The following C9orf43 variants were observed in gnomAD, a reference collection of about 807,000 sequenced individuals.
The protein encoded by C9orf43 is chromosome 9 open reading frame 43.
Under a neutral mutation model 59.1 loss-of-function variants are expected in C9orf43, and 45 were observed. The observed-to-expected ratio is 0.76, with a 90% CI of 0.60 to 0.98. The LOEUF is 0.98. Ranked by LOEUF, C9orf43 falls within the 50% of genes least tolerant of loss-of-function variation. The pLI is 0.00. For missense variants in C9orf43, 533 were observed against 554.9 expected, an observed-to-expected ratio of 0.96 and a Z score of 0.40; for synonymous variants, 203 against 196.8, an observed-to-expected ratio of 1.03 and a Z score of -0.26.
Position 113,425,354 on chromosome 9 carries a change from A to ACAGCAGCAG in C9orf43, c.878_886dup (p.Gln293_Gln295dup). 6.2e-7 allele frequency: 1 copy of ACAGCAGCAG among 1,613,788 alleles called. No individual in the cohort carries two copies. The highest frequency in any genetic ancestry group is 8.5e-7 in the Non-Finnish European group (1 of 1,179,904). On this transcript the variant is annotated inframe_insertion, in exon 10 of 14. Coordinates refer to ENST00000374165, the MANE Select transcript of C9orf43 (RefSeq NM_001278629.2). ...CTCTCTGGTCACCAGGTTACAGGAA[A>ACAGCAGCAG]CAGCAGCAGCGGCAGCAGCAGCAGC...
Position 113,413,636 on chromosome 9 carries a change from A to C in C9orf43, c.143A>C (p.Asp48Ala), listed in dbSNP as rs749954086. The C allele has an allele frequency of 1.4e-5, 22 of 1,614,020 alleles. No individual in the cohort carries two copies. In the South Asian group the frequency reaches 2.4e-4, roughly 18 times the overall value. ...GGCTCATCCTGCAAAACTCCCCTGG[A>C]TGCTGAAGGTGAATTAGCCAGCTTC... Reference protein sequence around the residue: ...ILGSSCKTPLDAEDKLPVLTV... With the variant: ...ILGSSCKTPLAAEDKLPVLTV... Residue 48 changes from aspartate (D) to alanine (A), a missense_variant, in exon 2 of 14, where the codon GAT (aspartate) becomes GCT (alanine). Physicochemically the swap from Asp to Ala is moderately radical, Grantham distance 126 (BLOSUM62 -2). Transcript: ENST00000374165.
intron 4 of C9orf43, among the ~76,000 whole-genome samples, chr9:113,419,677 G>C (rs541238710): frequency 6.6e-6 from 1 of 152,068 alleles, no homozygotes; most frequent in Non-Finnish European, 1.5e-5. Context: ...AAACAATGTG[G>C]TCTGTGATTC....
Position 113,422,590 on chromosome 9 carries a change from G to A in C9orf43, c.483+5G>A. The A allele has an allele frequency of 6.2e-7, 1 of 1,613,776 alleles. No individual in the cohort carries two copies. Among genetic ancestry groups the A allele is most frequent in the Non-Finnish European group, 8.5e-7 (1 of 1,179,902 alleles). On this transcript the variant is annotated splice_donor_5th_base_variant and intron_variant, in intron 6 of 13. Coordinates refer to ENST00000374165, the MANE Select transcript of C9orf43 (RefSeq NM_001278629.2). ...AAAAGAAAGAACTCGGCAGTGGTGA[G>A]TTTGATGTTTTTGTGCAAACCTTTA...
At chr9:113,423,071 T>G (rs920935125) in intron 6 of C9orf43, among the ~76,000 whole-genome samples, 7 of 152,192 alleles carry the variant, frequency 4.6e-5, no homozygotes, top group African/African-American at 1.7e-4. Context: ...ACAATAAATT[T>G]TTGTTCAGTT....
At chr9:113,412,797 C>A (rs76538972) in intron 1 of C9orf43, among the ~76,000 whole-genome samples, 6,082 of 152,296 alleles carry the variant, frequency 0.04, 163 homozygotes, top group South Asian at 0.1. Flanking sequence ...GTGTGAAGAC[C>A]CTTGTCAAAG....
intron 11 of C9orf43, 118 bp downstream of exon 11, chr9:113,425,848 G>T: frequency 1.3e-6 from 1 of 784,376 alleles, no homozygotes. Flanking sequence ...CAGGCACTCA[G>T]AGTTTCTTGG....
In C9orf43 at chr9:113,425,368, A is replaced by G. The variant is rs747102171; in HGVS notation, c.890A>G (p.Gln297Arg). The change falls in exon 10 of 14, where the codon CAG becomes CGG. Residue 297 changes from glutamine (Q) to arginine (R), a missense_variant. By Grantham distance (43) the Gln-to-Arg change is conservative. Coordinates refer to ENST00000374165, the MANE Select transcript of C9orf43 (RefSeq NM_001278629.2). ...TEGYRKQQQRQQQQQQQQKKV... is the reference protein window; with the variant it reads ...TEGYRKQQQRRQQQQQQQKKV... ...GGTTACAGGAAACAGCAGCAGCGGCAGCAGCAGCAGCAGCAGCAACAGAAG... is the reference window on the plus strand; with the variant it reads ...GGTTACAGGAAACAGCAGCAGCGGCGGCAGCAGCAGCAGCAGCAACAGAAG... The G allele has an allele frequency of 8.4e-6, 13 of 1,546,996 alleles. No individual in the cohort carries two copies. The highest frequency in any genetic ancestry group is 2.4e-5 in the South Asian group (2 of 84,584).
rs778399315 is a variant in C9orf43 at position 113,424,243 on chromosome 9, C to T, written c.734C>T (p.Pro245Leu). The change falls in exon 8 of 14, where the codon CCC (proline) becomes CTC (leucine). Residue 245 changes from proline (P) to leucine (L), a missense_variant. Transcript: ENST00000374165. ...TTGGCCATGATGAAAAAGAATCTTC[C>T]CTTGGAAAAGAACCGACCTGACAGT... ...IKLAMMKKNL[P>L]LEKNRPDSVI... 6.2e-7 allele frequency: 1 copy of T among 1,613,896 alleles called. No homozygotes were observed. Among genetic ancestry groups the T allele is most frequent in the African/African-American group, 1.3e-5 (1 of 74,896 alleles).
chr9:113,425,430 C>T lies in C9orf43; in HGVS notation c.942+10C>T. 6.2e-7 allele frequency: 1 copy of T among 1,610,832 alleles called. No homozygotes were observed. The highest frequency in any genetic ancestry group is 8.5e-7 in the Non-Finnish European group (1 of 1,178,338). On this transcript the variant is annotated intron_variant, in intron 10 of 13. Coordinates refer to ENST00000374165, the MANE Select transcript of C9orf43 (RefSeq NM_001278629.2). ...ACCTATTAAGAAACAGGTAGAGTGG[C>T]AGTGAGGGGCTTGCTGGGACTGGGA...
intron 1 of C9orf43, among the ~76,000 whole-genome samples, chr9:113,413,216 A>G (rs900677450): frequency 3.3e-5 from 5 of 152,234 alleles, no homozygotes; most frequent in African/African-American, 7.2e-5. Flanking sequence ...TCACTCAGCT[A>G]TTAAATAGCC....
In C9orf43 at chr9:113,410,901, TC is replaced by T; in HGVS notation, c.-149del. ...CCGTCGTGATCAGATTCTCCCACTTTCTTTTTTCTTTCCTGGAATGGAGTGG... is the reference window on the plus strand; with the variant it reads ...CCGTCGTGATCAGATTCTCCCACTTTTTTTTTCTTTCCTGGAATGGAGTGG... On this transcript the variant is annotated 5_prime_UTR_variant, in exon 1 of 14. Coordinates refer to ENST00000374165, the MANE Select transcript of C9orf43 (RefSeq NM_001278629.2). The T allele has an allele frequency of 1.0e-6, 1 of 977,488 alleles. No homozygotes were observed. Among genetic ancestry groups the T allele is most frequent in the Non-Finnish European group, 1.2e-6 (1 of 822,084 alleles). 60.6% of individuals were successfully genotyped at this position (977,488 alleles called of 1,614,324 possible).
chr9:113,421,783 T>C (rs1828583904), intron 5 of C9orf43, among the ~76,000 whole-genome samples: 1 of 152,244 alleles, frequency 6.6e-6, no homozygotes, highest in Admixed American at 6.5e-5. Flanking sequence ...TTATTTCTTT[T>C]GTTTTTCTTT....
chr9:113,415,251 C>G (rs567715977), intron 3 of C9orf43, among the ~76,000 whole-genome samples: 1 of 152,174 alleles, frequency 6.6e-6, no homozygotes, highest in African/African-American at 2.4e-5. Context: ...TCGAGTGATT[C>G]TCTAGCCTCA....
intron 1 of C9orf43, among the ~76,000 whole-genome samples, chr9:113,413,154 T>C (rs932711150): frequency 6.6e-6 from 1 of 152,214 alleles, no homozygotes; most frequent in Non-Finnish European, 1.5e-5. Context: ...TGAAATAAGC[T>C]TATCCTCATT....
intron 3 of C9orf43, among the ~76,000 whole-genome samples, chr9:113,417,787 C>T (rs1828422653): frequency 6.6e-6 from 1 of 152,170 alleles, no homozygotes; most frequent in African/African-American, 2.4e-5. Context: ...GTGCCTAGAA[C>T]ATAGAGCAGG....
chr9:113,416,526 G>T (rs888829314), intron 3 of C9orf43, among the ~76,000 whole-genome samples: 1 of 151,950 alleles, frequency 6.6e-6, no homozygotes, highest in African/African-American at 2.4e-5. Flanking sequence ...ACGAGATCTG[G>T]CCTTCCTACT....
chr9:113,413,379 A>G, intron 1 of C9orf43, 66 bp from the exon 2 acceptor site: 2 of 1,375,212 alleles, frequency 1.5e-6, no homozygotes, highest in Admixed American at 3.0e-5. Flanking sequence ...TGTGAGTTCA[A>G]ATTAACATCT....
intron 4 of C9orf43, 112 bp downstream of exon 4, chr9:113,419,277 T>C: frequency 1.3e-6 from 1 of 757,498 alleles, no homozygotes; most frequent in Non-Finnish European, 2.1e-6. Flanking sequence ...ATCTGAATAG[T>C]AATGTTGATA....
At chr9:113,425,484 TGTATGAAAG>T in intron 10 of C9orf43, 64 bp downstream of exon 10, 1 of 1,555,406 alleles carries the variant, frequency 6.4e-7, no homozygotes, top group Non-Finnish European at 8.7e-7. Flanking sequence ...TGGGAAGGGA[TGTATGAAAG>T]GTGGGGGTCT....
Sources: allele counts gnomAD v4.1 joint callset (sites outside exome capture counted in the v4.1 genomes callset), GRCh38; gene constraint gnomAD v4.1.1; transcripts MANE v1.5; gene names NCBI Gene and HGNC (gene_info 2026-07-23, HGNC 2026-07-21).